Variants in SOX5 observed in about 807,000 individuals in gnomAD.
SOX5 encodes SRY-box transcription factor 5, also known as transcription factor SOX-5.
In SOX5, 9 loss-of-function variants were observed where a neutral mutation model predicts 92.0. The observed-to-expected ratio is 0.10, with a 90% confidence interval of 0.06 to 0.17. SOX5 has a LOEUF of 0.17. Among genes scored for constraint, SOX5 ranks in the 10% least tolerant of loss-of-function variants. The pLI is 1.00. For synonymous variants in SOX5, 344 were observed against 336.3 expected (o/e 1.02, Z -0.25); for missense variants, 642 against 944.5 (o/e 0.68, Z 4.20).
chr12:23,665,087 C>T (rs766672486), intron 7 of SOX5, among the ~76,000 whole-genome samples: 2 of 152,138 alleles, frequency 1.3e-5, no homozygotes, highest in Non-Finnish European at 2.9e-5. Flanking sequence ...AGAAGGCCAA[C>T]TCATTCATGT....
At chr12:24,342,518 G>C (rs1350316417) in intron 2 of SOX5, among the ~76,000 whole-genome samples, 2 of 152,138 alleles carry the variant, frequency 1.3e-5, no homozygotes, top group Admixed American at 6.6e-5. Flanking sequence ...AGTAACCAAA[G>C]TCTGAAACTT....
At chr12:24,066,510 G>A (rs527823289) in intron 4 of SOX5, among the ~76,000 whole-genome samples, 1 of 152,152 alleles carries the variant, frequency 6.6e-6, no homozygotes, top group East Asian at 1.9e-4. Flanking sequence ...AACAATAAAA[G>A]AATGAATTTT....
At chr12:23,781,009 C>T (rs530489689) in intron 3 of SOX5, among the ~76,000 whole-genome samples, 18 of 152,042 alleles carry the variant, frequency 1.2e-4, no homozygotes, top group African/African-American at 4.3e-4. Flanking sequence ...TAGAAAAGCT[C>T]ATTTTTATAA....
intron 8 of SOX5, among the ~76,000 whole-genome samples, chr12:23,616,179 C>A (rs926993422): frequency 6.6e-6 from 1 of 152,126 alleles, no homozygotes; most frequent in Non-Finnish European, 1.5e-5. Context: ...ACTAAGGTGA[C>A]GCCTGGAAAA....
intron 9 of SOX5, among the ~76,000 whole-genome samples, chr12:23,577,631 G>A (rs1949374248): frequency 7.2e-6 from 1 of 139,380 alleles, no homozygotes; most frequent in African/African-American, 2.6e-5. Context: ...AGTTTATATT[G>A]TCTGTTTCAG....
chr12:23,902,147 TA>T (rs1469512326), intron 1 of SOX5, among the ~76,000 whole-genome samples: 1 of 152,082 alleles, frequency 6.6e-6, no homozygotes, highest in Non-Finnish European at 1.5e-5. Context: ...TACTTACTGC[TA>T]AAAACTTTAA....
chr12:23,770,548 A>AT (rs74309645), intron 3 of SOX5, among the ~76,000 whole-genome samples: 60,263 of 151,568 alleles, frequency 0.4, 12,433 homozygotes, highest in East Asian at 0.61. Flanking sequence ...CTTTTTTCAG[A>AT]TTTTTTTTTC....
At chr12:24,310,858 CT>C (rs367996399) in intron 2 of SOX5, among the ~76,000 whole-genome samples, 166 of 144,992 alleles carry the variant, frequency 1.1e-3, no homozygotes, top group Middle Eastern at 3.5e-3. Flanking sequence ...TTTTTTGTTT[CT>C]TTTTTTTTTT....
intron 1 of SOX5, among the ~76,000 whole-genome samples, chr12:24,493,578 G>A (rs1947308853): frequency 6.6e-6 from 1 of 152,098 alleles, no homozygotes; most frequent in Non-Finnish European, 1.5e-5. Context: ...TAAAAAGTTT[G>A]TTTTGGCCGG....
intron 4 of SOX5, among the ~76,000 whole-genome samples, chr12:23,975,434 T>C (rs946619354): frequency 1.3e-5 from 2 of 152,192 alleles, no homozygotes; most frequent in South Asian, 4.1e-4. Flanking sequence ...TAGATATAAC[T>C]TCTTTCTTCA....
chr12:24,120,524 G>A (rs974927983), intron 4 of SOX5, among the ~76,000 whole-genome samples: 18 of 152,142 alleles, frequency 1.2e-4, no homozygotes, highest in Admixed American at 6.5e-5. Flanking sequence ...CTCTCCCATC[G>A]CCTAAACAAC....
chr12:23,630,265 A>G (rs900425288), intron 8 of SOX5, among the ~76,000 whole-genome samples: 1 of 151,994 alleles, frequency 6.6e-6, no homozygotes, highest in Admixed American at 6.6e-5. Context: ...TGTTATTCTC[A>G]TTTTACAGAT....
chr12:24,211,418 A>C (rs1958597892), intron 4 of SOX5, among the ~76,000 whole-genome samples: 1 of 152,218 alleles, frequency 6.6e-6, no homozygotes, highest in Admixed American at 6.5e-5. Flanking sequence ...AAATGAATTA[A>C]TGAATGGATA....
At chr12:24,084,215 C>T (rs1458505088) in intron 4 of SOX5, among the ~76,000 whole-genome samples, 1 of 151,980 alleles carries the variant, frequency 6.6e-6, no homozygotes, top group Non-Finnish European at 1.5e-5. Context: ...TGATCAGAGG[C>T]AGTGGAGAAA....
chr12:24,259,479 C>T (rs758835246), intron 3 of SOX5, among the ~76,000 whole-genome samples: 2 of 152,098 alleles, frequency 1.3e-5, no homozygotes, highest in Non-Finnish European at 2.9e-5. Flanking sequence ...AATAGAAAAA[C>T]ATAAACTGTG....
At chr12:23,678,538 C>G (rs73073854) in intron 6 of SOX5, among the ~76,000 whole-genome samples, 11 of 152,194 alleles carry the variant, frequency 7.2e-5, no homozygotes, top group African/African-American at 1.7e-4. Flanking sequence ...AGACGGACAA[C>G]ATGAATTCTT....
chr12:23,690,620 C>T (rs2088598387), intron 6 of SOX5, among the ~76,000 whole-genome samples: 1 of 152,090 alleles, frequency 6.6e-6, no homozygotes, highest in African/African-American at 2.4e-5. Context: ...ATCTAAAATG[C>T]AAATCTATCT....
rs552047092 is a variant in SOX5 at position 24,077,369 on chromosome 12, C to T, written c.-2+135974G>A. Among the ~76,000 whole-genome samples, 14 of 152,188 alleles carry T rather than the reference C, an allele frequency of 9.2e-5. No homozygotes were observed. In the South Asian group the frequency reaches 1.0e-3, roughly 11 times the overall value. ...TTTGGAGACTGGCGCACAATTCTTA[C>T]GATACTCCATGTTTTCCTTCCAAAG... On this transcript the variant is annotated intron_variant, in intron 4 of 4. Coordinates refer to the SOX5 transcript ENST00000446891.
chr12:23,959,312 C>T (rs1435150563), intron 4 of SOX5, among the ~76,000 whole-genome samples: 1 of 151,606 alleles, frequency 6.6e-6, no homozygotes, highest in African/African-American at 2.4e-5. Flanking sequence ...ATTGAAAATA[C>T]AATGGAATAA....
Sources: gnomAD v4.1 joint callset for allele counts (sites outside exome capture counted in the v4.1 genomes callset) on GRCh38, gnomAD v4.1.1 for gene constraint, MANE v1.5 for transcripts, NCBI Gene and HGNC (gene_info 2026-07-23, HGNC 2026-07-21) for gene names.